Variants in RAB28 observed in about 807,000 individuals in gnomAD.
RAB28 encodes RAB28, member RAS oncogene family.
Under a neutral mutation model 31.7 loss-of-function variants are expected in RAB28, and 24 were observed. That is an observed-to-expected ratio of 0.76 (90% CI 0.55 to 1.06). The LOEUF (loss-of-function observed/expected upper bound fraction) is 1.06, where lower values mean the gene tolerates loss of function less well. Among genes scored for constraint, RAB28 ranks in the 50% least tolerant of loss-of-function variants. The probability of loss-of-function intolerance (pLI) is 0.00; values close to 1 mark genes in which losing one functional copy is unlikely to be tolerated. For synonymous variants in RAB28, 100 were observed against 90.4 expected (o/e 1.11, Z -0.60); for missense variants, 254 against 258.5 (o/e 0.98, Z 0.12).
chr4:13,472,803 C>CAGTTTAAAA (rs1171201195), intron 3 of RAB28, among the ~76,000 whole-genome samples: 4 of 149,828 alleles, frequency 2.7e-5, no homozygotes, highest in Admixed American at 2.0e-4. Flanking sequence ...AGCTTAGTAT[C>CAGTTTAAAA]CACTTTAATC....
At chr4:13,452,090 G>A (rs1166625539) in intron 4 of RAB28, among the ~76,000 whole-genome samples, 1 of 151,876 alleles carries the variant, frequency 6.6e-6, no homozygotes, top group Non-Finnish European at 1.5e-5. Context: ...GTTCACTGGA[G>A]TCTCTAATGA....
intron 1 of RAB28, 68 bp downstream of exon 1, chr4:13,484,008 C>G (rs1716745112): frequency 1.4e-6 from 2 of 1,430,762 alleles, no homozygotes; most frequent in East Asian, 2.5e-5. Context: ...CGCCGGGCGG[C>G]GGGGAGGAGG....
intron 4 of RAB28, among the ~76,000 whole-genome samples, chr4:13,427,184 T>C (rs1713549367): frequency 6.6e-6 from 1 of 152,346 alleles, no homozygotes; most frequent in African/African-American, 2.4e-5. Flanking sequence ...AAAAGGTGGG[T>C]AGGTGAAATC....
At chr4:13,444,297 G>C (rs972684894) in intron 4 of RAB28, among the ~76,000 whole-genome samples, 1 of 152,120 alleles carries the variant, frequency 6.6e-6, no homozygotes, top group Middle Eastern at 3.2e-3. Flanking sequence ...AAAGTGTTGG[G>C]ATTACAGACT....
intron 4 of RAB28, among the ~76,000 whole-genome samples, chr4:13,457,737 A>AG (rs1263944703): frequency 6.6e-6 from 1 of 152,178 alleles, no homozygotes; most frequent in African/African-American, 2.4e-5. Flanking sequence ...TGCCACCACC[A>AG]GTCCAGTCCA....
chr4:13,432,983 A>T (rs895622613), intron 4 of RAB28, among the ~76,000 whole-genome samples: 8 of 141,596 alleles, frequency 5.6e-5, no homozygotes, highest in African/African-American at 8.0e-5. Flanking sequence ...AATTGAATTT[A>T]AAAAAAAAAA....
At chr4:13,447,234 C>T (rs1211566493) in intron 4 of RAB28, among the ~76,000 whole-genome samples, 1 of 152,174 alleles carries the variant, frequency 6.6e-6, no homozygotes, top group Non-Finnish European at 1.5e-5. Context: ...CATAGTGATC[C>T]TTTCCAAATA....
chr4:13,371,572 A>G, intron 6 of RAB28: 1 of 985,256 alleles, frequency 1.0e-6, no homozygotes, highest in Non-Finnish European at 1.2e-6. Context: ...ACAAGACAGC[A>G]TCATTCTCAG....
At chr4:13,429,735 A>C (rs751100281) in intron 4 of RAB28, among the ~76,000 whole-genome samples, 10 of 152,174 alleles carry the variant, frequency 6.6e-5, no homozygotes, top group Non-Finnish European at 1.3e-4. Flanking sequence ...CACAGTACCA[A>C]TCAAATTTCC....
intron 6 of RAB28, chr4:13,371,086 G>A: frequency 2.0e-6 from 2 of 984,956 alleles, no homozygotes; most frequent in Middle Eastern, 5.2e-4. Context: ...GCTGCTGTGT[G>A]TGACTACATT....
intron 4 of RAB28, among the ~76,000 whole-genome samples, chr4:13,437,763 T>C (rs575398663): frequency 3.9e-5 from 6 of 152,292 alleles, no homozygotes; most frequent in African/African-American, 1.2e-4. Context: ...TGGAAATTAG[T>C]TCAACCTCTA....
intron 4 of RAB28, among the ~76,000 whole-genome samples, chr4:13,394,036 A>G (rs114627494): frequency 1.3e-5 from 2 of 152,214 alleles, no homozygotes; most frequent in African/African-American, 4.8e-5. Flanking sequence ...GGTAGAAAGA[A>G]TAAGTGAGCA....
chr4:13,461,669 C>A (rs1170694684), intron 3 of RAB28, among the ~76,000 whole-genome samples: 1 of 152,162 alleles, frequency 6.6e-6, no homozygotes, highest in Non-Finnish European at 1.5e-5. Context: ...TAATTTATCT[C>A]ATTATTTTGT....
chr4:13,483,868 A>G (rs1254661045), intron 1 of RAB28, among the ~76,000 whole-genome samples: 1 of 151,906 alleles, frequency 6.6e-6, no homozygotes, highest in African/African-American at 2.4e-5. Context: ...TTAGGAAGTG[A>G]CTCTTTTTTA....
chr4:13,443,109 C>T (rs542092273), intron 4 of RAB28, among the ~76,000 whole-genome samples: 43 of 151,876 alleles, frequency 2.8e-4, no homozygotes, highest in African/African-American at 1.0e-3. Flanking sequence ...AATTGTTGAG[C>T]TTCAAGTTAG....
chr4:13,460,567 C>T, intron 4 of RAB28, 132 bp downstream of exon 4: 1 of 1,163,024 alleles, frequency 8.6e-7, no homozygotes, highest in Admixed American at 2.2e-5. Context: ...CTCCCAAAAC[C>T]CCACCTCCAG....
chr4:13,398,250 ACTGT>A (rs956949768), intron 4 of RAB28, among the ~76,000 whole-genome samples: 4 of 152,064 alleles, frequency 2.6e-5, no homozygotes, highest in Admixed American at 2.6e-4. Flanking sequence ...AAATTAATAA[ACTGT>A]CTTTTTATTT....
At chr4:13,406,255 G>A (rs556361869) in intron 4 of RAB28, among the ~76,000 whole-genome samples, 1 of 152,186 alleles carries the variant, frequency 6.6e-6, no homozygotes, top group South Asian at 2.1e-4. Flanking sequence ...TGCAGTGTTT[G>A]GTTTTCTGTT....
intron 4 of RAB28, among the ~76,000 whole-genome samples, chr4:13,448,452 T>C (rs1377870449): frequency 1.3e-5 from 2 of 151,942 alleles, no homozygotes; most frequent in African/African-American, 4.8e-5. Flanking sequence ...CCAAAACCAA[T>C]GAAAACATAA....
Sources: allele counts gnomAD v4.1 joint callset (sites outside exome capture counted in the v4.1 genomes callset), GRCh38; gene constraint gnomAD v4.1.1; transcripts MANE v1.5; gene names NCBI Gene and HGNC (gene_info 2026-07-23, HGNC 2026-07-21).